Variants in GRIP1 observed in about 807,000 individuals in gnomAD.
The protein encoded by GRIP1 is glutamate receptor interacting protein 1, also known as glutamate receptor-interacting protein 1.
Under a neutral mutation model 129.9 loss-of-function variants are expected in GRIP1, and 45 were observed. The ratio of observed to expected loss-of-function variants is 0.35; its 90% CI spans 0.27 to 0.44. GRIP1 has a LOEUF of 0.44. Ranked by LOEUF, GRIP1 falls within the 20% of genes least tolerant of loss-of-function variation. The probability of loss-of-function intolerance (pLI) is 1.00; values close to 1 mark genes in which losing one functional copy is unlikely to be tolerated. For missense variants in GRIP1, 1,196 were observed against 1,396.8 expected (o/e 0.86, Z 2.29); for synonymous variants, 530 against 520.8 (o/e 1.02, Z -0.24).
chr12:66,397,939 G>A (rs1453535158), intron 16 of GRIP1, among the ~76,000 whole-genome samples: 2 of 152,236 alleles, frequency 1.3e-5, no homozygotes, highest in Non-Finnish European at 2.9e-5. Flanking sequence ...GATGCCTTGT[G>A]TAAACAGATA....
At chr12:66,556,186 TAAAC>T (rs1039909531) in intron 2 of GRIP1, among the ~76,000 whole-genome samples, 1 of 151,100 alleles carries the variant, frequency 6.6e-6, no homozygotes, top group African/African-American at 2.4e-5. Flanking sequence ...CAAGAGAAAA[TAAAC>T]AAATAACATA....
chr12:66,965,362 A>G (rs2041981009), intron 1 of GRIP1, among the ~76,000 whole-genome samples: 1 of 152,130 alleles, frequency 6.6e-6, no homozygotes, highest in African/African-American at 2.4e-5. Context: ...GACATTTTCT[A>G]AAAAGATTCT....
intron 1 of GRIP1, among the ~76,000 whole-genome samples, chr12:66,616,059 G>A (rs2065027471): frequency 6.6e-6 from 1 of 152,130 alleles, no homozygotes; most frequent in South Asian, 2.1e-4. Context: ...AGTTTTAACT[G>A]ATGCTTACAG....
chr12:66,670,285 T>C (rs1221970003), intron 1 of GRIP1, among the ~76,000 whole-genome samples: 1 of 152,134 alleles, frequency 6.6e-6, no homozygotes, highest in African/African-American at 2.4e-5. Flanking sequence ...AAGGGAGAGA[T>C]CAGTTAGCCC....
chr12:67,056,197 T>C lies in GRIP1; in HGVS notation c.58+12853A>G, dbSNP rs540834587. On this transcript the variant is annotated intron_variant, in intron 1 of 1. Coordinates refer to the GRIP1 transcript ENST00000643019. ...AGCTTCCTTTTAAGAACCATTTCATTTTGCATATAAATTCCATGGTCATGA... is the reference window on the plus strand; with the variant it reads ...AGCTTCCTTTTAAGAACCATTTCATCTTGCATATAAATTCCATGGTCATGA... Among the ~76,000 whole-genome samples the C allele has an allele frequency of 1.1e-4, 17 of 152,300 alleles. No individual in the cohort carries two copies. The South Asian group carries it at 3.5e-3, about 32-fold the overall frequency.
At chr12:66,690,719 A>G (rs73128866) in intron 1 of GRIP1, among the ~76,000 whole-genome samples, 1 of 148,588 alleles carries the variant, frequency 6.7e-6, no homozygotes, top group Non-Finnish European at 1.5e-5. Context: ...TTAAAAAAAA[A>G]TTTTTTCAAA....
intron 4 of GRIP1, among the ~76,000 whole-genome samples, chr12:66,531,915 C>T (rs1359726643): frequency 6.6e-6 from 1 of 152,132 alleles, no homozygotes; most frequent in Non-Finnish European, 1.5e-5. Context: ...ATTTCATTTA[C>T]TCAATAAATC....
intron 19 of GRIP1, among the ~76,000 whole-genome samples, chr12:66,392,069 C>T (rs1055619728): frequency 6.6e-6 from 1 of 152,096 alleles, no homozygotes; most frequent in Non-Finnish European, 1.5e-5. Context: ...GATACTTGGC[C>T]ATCAGTAGAC....
intron 23 of GRIP1, among the ~76,000 whole-genome samples, chr12:66,371,183 G>C (rs2055471935): frequency 7.4e-6 from 1 of 135,654 alleles, no homozygotes; most frequent in Non-Finnish European, 1.5e-5. Context: ...TTTTGGGACA[G>C]AGTGTTGCTC....
intron 1 of GRIP1, among the ~76,000 whole-genome samples, chr12:66,660,996 AAC>A (rs1477516125): frequency 2.6e-5 from 4 of 152,150 alleles, no homozygotes; most frequent in Non-Finnish European, 5.9e-5. Context: ...TTATACTCTG[AAC>A]ACATATAAAT....
At chr12:66,376,909 G>T in intron 22 of GRIP1, 108 bp downstream of exon 22, 1 of 818,444 alleles carries the variant, frequency 1.2e-6, no homozygotes. Context: ...GGGTGGAGAT[G>T]GGGATATACT....
intron 1 of GRIP1, among the ~76,000 whole-genome samples, chr12:66,982,650 G>C (rs2042255586): frequency 6.6e-6 from 1 of 152,128 alleles, no homozygotes; most frequent in Non-Finnish European, 1.5e-5. Flanking sequence ...TTTAGAAATT[G>C]AATTCTTCCA....
chr12:66,767,819 T>C (rs1030747118), intron 1 of GRIP1, among the ~76,000 whole-genome samples: 1 of 152,188 alleles, frequency 6.6e-6, no homozygotes, highest in Non-Finnish European at 1.5e-5. Context: ...TTTGGTGCCA[T>C]AGTAAGGCGA....
Position 66,744,848 on chromosome 12 carries a change from C to T in GRIP1, c.-420+59205G>A, listed in dbSNP as rs76380207. On this transcript the variant is annotated intron_variant, in intron 1 of 4. Coordinates refer to the GRIP1 transcript ENST00000538373. Reference sequence around the variant, plus strand: ...ACAGAAATCTTACTCAATTATATTACAGACAGTTCTATTAATACTGCTGAC... The same window carrying T: ...ACAGAAATCTTACTCAATTATATTATAGACAGTTCTATTAATACTGCTGAC... Among the ~76,000 whole-genome samples, 779 of 152,274 alleles carry T rather than the reference C, an allele frequency of 5.1e-3. 7 individuals carry two copies. The highest frequency in any genetic ancestry group is 0.018 in the African/African-American group (750 of 41,570).
chr12:66,374,456 G>T (rs1227866998), intron 22 of GRIP1, among the ~76,000 whole-genome samples: 1 of 152,072 alleles, frequency 6.6e-6, no homozygotes, highest in Admixed American at 6.6e-5. Flanking sequence ...CCAAAGTGCT[G>T]GGATTACAGG....
chr12:66,578,512 C>G (rs932452253), intron 2 of GRIP1, among the ~76,000 whole-genome samples: 1 of 149,750 alleles, frequency 6.7e-6, no homozygotes. Context: ...GTCAAAGAAA[C>G]GGGTGACAGA....
chr12:66,456,108 A>G, intron 10 of GRIP1, 79 bp downstream of exon 10: 1 of 848,456 alleles, frequency 1.2e-6, no homozygotes, highest in Non-Finnish European at 1.7e-6. Flanking sequence ...ACATCCATGA[A>G]GCCAAAGATG....
In GRIP1 at chr12:66,465,330, A is replaced by G. The variant is rs201673783; in HGVS notation, c.817T>C (p.Cys273Arg). 9.4e-4 allele frequency: 1,513 copies of G among 1,613,768 alleles called. No individual in the cohort carries two copies. The highest frequency in any genetic ancestry group is 1.1e-3 in the Non-Finnish European group (1,339 of 1,179,756). The change falls in exon 8 of 25, where the codon TGT (cysteine) becomes CGT (arginine). Residue 273 changes from cysteine to arginine, a missense_variant. Cys to Arg is a radical substitution (Grantham distance 180). Around this residue, in one of 5 missense-constraint regions of GRIP1, gnomAD observed 508 missense variants for 587.0 expected, o/e 0.87. Coordinates refer to ENST00000359742, the MANE Select transcript of GRIP1 (RefSeq NM_001366722.1). ...LGVALTTSMC[C>R]NKQVIVIDKI... ...TCTATGACAATGACTTGTTTGTTACAGCACATCGAGGTAGTTAGGGCAACC... is the reference window on the plus strand; with the variant it reads ...TCTATGACAATGACTTGTTTGTTACGGCACATCGAGGTAGTTAGGGCAACC...
At chr12:66,726,374 T>A (rs1033825710) in intron 1 of GRIP1, among the ~76,000 whole-genome samples, 2 of 152,196 alleles carry the variant, frequency 1.3e-5, no homozygotes, top group Non-Finnish European at 2.9e-5. Context: ...ATGAGTTGGA[T>A]AAATATATTG....
Sources: gnomAD v4.1 joint callset for allele counts (sites outside exome capture counted in the v4.1 genomes callset) on GRCh38, gnomAD v4.1.1 for gene constraint, gnomAD v4.1.1 regional missense constraint, MANE v1.5 for transcripts, NCBI Gene and HGNC (gene_info 2026-07-23, HGNC 2026-07-21) for gene names.